The following CYFIP1 variants were observed in gnomAD, a reference collection of about 807,000 sequenced individuals.
CYFIP1 encodes the protein cytoplasmic FMR1 interacting protein 1, also known as cytoplasmic FMR1-interacting protein 1.
In CYFIP1, 58 loss-of-function variants were observed where a neutral mutation model predicts 163.5. The ratio of observed to expected loss-of-function variants is 0.35; its 90% CI spans 0.29 to 0.44. CYFIP1 has a LOEUF of 0.44. Among genes scored for constraint, CYFIP1 ranks in the 20% least tolerant of loss-of-function variants. CYFIP1 has a pLI of 1.00. For synonymous variants in CYFIP1, 663 were observed against 660.7 expected (o/e 1.00, Z -0.05); for missense variants, 1,338 against 1,653.8 (o/e 0.81, Z 3.31).
intron 16 of CYFIP1, 144 bp downstream of exon 16, chr15:22,916,333 C>T (rs2142099832): frequency 1.5e-6 from 1 of 665,204 alleles, no homozygotes. Flanking sequence ...GACGTACAGC[C>T]ACCGCCACAG....
Position 22,928,015 on chromosome 15 carries a change from G to T in CYFIP1, c.1124C>A (p.Ser375Ter). The stretch of plus-strand genomic sequence containing the variant: ...CGTCTTCTGGGCCTCCTGGCGGCCC[G>T]AGCCCGTGACCACCTGCACAAGGCG... ...RYSNSEVVTG[S>*]GRQEAQKTDA... The change falls in exon 12 of 31, where the codon TCG (serine) becomes TAG (stop). Residue 375 changes from serine (S) to a stop codon, truncating the protein, a stop_gained. Transcript: ENST00000617928. LOFTEE classifies it high-confidence loss of function. The T allele has an allele frequency of 6.4e-7, 1 of 1,567,024 alleles. No homozygotes were observed. Among genetic ancestry groups the T allele is most frequent in the South Asian group, 1.2e-5 (1 of 85,540 alleles).
intron 23 of CYFIP1, among the ~76,000 whole-genome samples, chr15:22,887,854 ACT>A (rs1426681134): frequency 6.6e-6 from 1 of 151,978 alleles, no homozygotes; most frequent in Non-Finnish European, 1.5e-5. Context: ...TTCAAGACAG[ACT>A]CTGCTGCCCG....
chr15:22,978,382 A>G (rs930079558), intron 1 of CYFIP1, among the ~76,000 whole-genome samples: 110 of 147,430 alleles, frequency 7.5e-4, no homozygotes, highest in African/African-American at 2.5e-3. Flanking sequence ...AAAAAAAAAA[A>G]GGAATACTAT....
intron 12 of CYFIP1, among the ~76,000 whole-genome samples, chr15:22,927,593 C>T (rs1249584594): frequency 1.3e-5 from 2 of 151,566 alleles, no homozygotes; most frequent in Admixed American, 6.6e-5. Context: ...GGAGTCAAGG[C>T]TGTAGGGACT....
At position 22,943,315 on chromosome 15, in the gene CYFIP1, G is replaced by A. The variant is rs1397422689; in HGVS notation, c.427C>T (p.Leu143=). Residue 143 remains leucine, a synonymous_variant, in exon 6 of 31, where the codon CTG becomes TTG. Transcript: ENST00000617928. The part of the protein sequence containing the change: ...IERFCGEVRR[L]CHAERRKDFV... ...TCCTTCCTCCTCTCGGCATGGCACA[G>A]GCGCCTCACTTCCCCGCAGAAACGC... The A allele has an allele frequency of 6.2e-7, 1 of 1,614,216 alleles. No individual in the cohort carries two copies. Among genetic ancestry groups the A allele is most frequent in the East Asian group, 2.2e-5 (1 of 44,888 alleles).
intron 23 of CYFIP1, among the ~76,000 whole-genome samples, chr15:22,886,477 T>C (rs1162422315): frequency 6.6e-6 from 1 of 152,220 alleles, no homozygotes; most frequent in Non-Finnish European, 1.5e-5. Flanking sequence ...TATCAAATCT[T>C]GATATATTTA....
At chr15:22,870,324 T>C (rs1464031271) in intron 30 of CYFIP1, 132 bp from the exon 31 acceptor site, 1 of 1,084,566 alleles carries the variant, frequency 9.2e-7, no homozygotes, top group Admixed American at 3.7e-5. Flanking sequence ...TACTGTTCTT[T>C]TTGGGTTTTT....
rs1163626431 is a variant in CYFIP1, at chr15:22,934,177, CTTTTTTTTTTTT to C, written c.901-296_901-285del. On this transcript the variant is annotated intron_variant, in intron 9 of 30. Transcript: ENST00000617928. ...AAAAAAAAAATCACTGCATTTCTTT[CTTTTTTTTTTTT>C]TTTTTTTTTTTTTTTGAGACAGAGT... 1.1e-4 allele frequency among the ~76,000 whole-genome samples: 7 copies of C among 66,162 alleles called. No homozygotes were observed. In the East Asian group the frequency reaches 1.6e-3, roughly 15 times the overall value. 43.4% of individuals were successfully genotyped at this position (66,162 alleles called of 152,430 possible).
At chr15:22,971,504 C>G (rs1277661546) in intron 1 of CYFIP1, among the ~76,000 whole-genome samples, 1 of 152,124 alleles carries the variant, frequency 6.6e-6, no homozygotes, top group East Asian at 1.9e-4. Context: ...GAAACCCTAT[C>G]TCTGCTAAAA....
intron 14 of CYFIP1, among the ~76,000 whole-genome samples, 165 bp from the exon 15 acceptor site, chr15:22,918,100 G>C (rs537936662): frequency 6.6e-6 from 1 of 152,300 alleles, no homozygotes; most frequent in South Asian, 2.1e-4. Flanking sequence ...AGCTCAACAG[G>C]AAAGTTAAAA....
intron 20 of CYFIP1, among the ~76,000 whole-genome samples, 186 bp from the exon 21 acceptor site, chr15:22,909,499 A>T (rs1760916536): frequency 6.6e-6 from 1 of 152,182 alleles, no homozygotes; most frequent in South Asian, 2.1e-4. Flanking sequence ...TGTTATGACG[A>T]TAAATAAAAT....
At chr15:22,957,326 C>G (rs997264576) in intron 1 of CYFIP1, among the ~76,000 whole-genome samples, 8 of 151,828 alleles carry the variant, frequency 5.3e-5, no homozygotes, top group Non-Finnish European at 1.2e-4. Flanking sequence ...CACGGTGAAA[C>G]CTCATCTCTA....
In CYFIP1 at chr15:22,939,524, A is replaced by T. The variant is rs762602835; in HGVS notation, c.570-17T>A. 2 of 1,564,968 alleles carry T rather than the reference A, an allele frequency of 1.3e-6. No individual in the cohort carries two copies. The highest frequency in any genetic ancestry group is 4.5e-5 in the East Asian group (2 of 44,646). On this transcript the variant is annotated splice_polypyrimidine_tract_variant and intron_variant, in intron 6 of 30. Coordinates refer to ENST00000617928, the MANE Select transcript of CYFIP1 (RefSeq NM_014608.6). ...TGAGCGGCCCTTTGAAAACAAAAAG[A>T]ATTCATCCCAAAATGCACCAACGTG...
rs749583195 is a variant in CYFIP1 at position 22,881,945 on chromosome 15, G to A, written c.2821-9C>T. On this transcript the variant is annotated splice_polypyrimidine_tract_variant and intron_variant, in intron 24 of 30. Transcript: ENST00000617928. The stretch of plus-strand genomic sequence containing the variant: ...AGGATTGTGCCTTGCAGCTGCCGGG[G>A]AGATGAGACGGGCTGCGTCAGCCAC... 1.9e-6 allele frequency: 3 copies of A among 1,610,734 alleles called. No homozygotes were observed. In the South Asian group the frequency reaches 3.3e-5, roughly 18 times the overall value.
At chr15:22,939,354 C>T in intron 7 of CYFIP1, 34 bp from the exon 8 acceptor site, 1 of 1,614,054 alleles carries the variant, frequency 6.2e-7, no homozygotes, top group Non-Finnish European at 8.5e-7. Context: ...ATGCATGGGC[C>T]CGGCGCCCGG....
At chr15:22,896,482 GTC>G (rs1415776871) in intron 22 of CYFIP1, among the ~76,000 whole-genome samples, 2 of 151,744 alleles carry the variant, frequency 1.3e-5, no homozygotes, top group Admixed American at 1.3e-4. Context: ...GCTGATGTTT[GTC>G]TCAGTTTGCT....
chr15:22,913,527 C>CAAAAAAAAAAAAAAA (rs35228444), intron 17 of CYFIP1, among the ~76,000 whole-genome samples: 1 of 10,278 alleles, frequency 9.7e-5, no homozygotes, highest in East Asian at 3.6e-3. Context: ...GGCTCTGTCT[C>CAAAAAAAAAAAAAAA]AAAAAAAAAA....
Position 22,976,013 on chromosome 15 carries a change from A to G in CYFIP1, c.-7+4274T>C, listed in dbSNP as rs2063262901. Among the ~76,000 whole-genome samples the G allele has an allele frequency of 2.6e-5, 4 of 152,274 alleles. No individual in the cohort carries two copies. The South Asian group carries it at 8.3e-4, about 32-fold the overall frequency. ...CTTTACTATGTTGAGTGTTCCAACC[A>G]CTGACCATGGTATGTTCCCCCATTT... On this transcript the variant is annotated intron_variant, in intron 1 of 30. Coordinates refer to ENST00000617928, the MANE Select transcript of CYFIP1 (RefSeq NM_014608.6).
At chr15:22,894,764 TAATC>T (rs1373790009) in intron 22 of CYFIP1, among the ~76,000 whole-genome samples, 1 of 149,094 alleles carries the variant, frequency 6.7e-6, no homozygotes, top group Non-Finnish European at 1.5e-5. Flanking sequence ...TTTAAAATTT[TAATC>T]AAAATACATA....
Sources: gnomAD v4.1 joint callset for allele counts (sites outside exome capture counted in the v4.1 genomes callset) on GRCh38, gnomAD v4.1.1 for gene constraint, MANE v1.5 for transcripts, NCBI Gene and HGNC (gene_info 2026-07-23, HGNC 2026-07-21) for gene names.